JAG1: variants seen among roughly 807,000 people sequenced by gnomAD.
JAG1 encodes the protein protein jagged-1.
A neutral mutation model predicts 148.7 loss-of-function variants in JAG1; 23 were observed. That is an observed-to-expected ratio of 0.15 (90% confidence interval 0.11 to 0.22). The LOEUF (loss-of-function observed/expected upper bound fraction) is 0.22, where lower values mean the gene tolerates loss of function less well. JAG1 is among the 10% of genes least tolerant of loss of function. The pLI, the probability that JAG1 is intolerant of heterozygous loss-of-function variation, is 1.00. For missense variants in JAG1, 1,054 were observed against 1,611.2 expected, an observed-to-expected ratio of 0.65 and a Z score of 5.92; for synonymous variants, 572 against 598.3, an observed-to-expected ratio of 0.96 and a Z score of 0.64.
chr20:10,652,827 C>A, intron 5 of JAG1: 1 of 455,562 alleles, frequency 2.2e-6, no homozygotes, highest in South Asian at 2.1e-5. Context: ...TGGGAAGAGG[C>A]CAGCATGGGG....
Position 10,639,249 on chromosome 20 carries a change from C to A in JAG1, c.*249G>T. On this transcript the variant is annotated 3_prime_UTR_variant, in exon 26 of 26. Coordinates refer to ENST00000254958, the MANE Select transcript of JAG1 (RefSeq NM_000214.3). ...AGGCTCCTGGGAGCCTGATCCGAGA[C>A]CGTGTCGGCTGCAAGGGGACACACA... 3.7e-6 allele frequency: 2 copies of A among 537,050 alleles called. No individual in the cohort carries two copies. The highest frequency in any genetic ancestry group is 3.9e-5 in the South Asian group (2 of 51,786). 33.3% of individuals were successfully genotyped at this position (537,050 alleles called of 1,614,324 possible). A position where few individuals can be genotyped will look rare whatever the true frequency, so the allele number is the denominator to read the frequency against.
chr20:10,661,761 G>A (rs563749731), intron 3 of JAG1, among the ~76,000 whole-genome samples: 1 of 152,350 alleles, frequency 6.6e-6, no homozygotes, highest in East Asian at 1.9e-4. Flanking sequence ...GCAGATAAAG[G>A]TGGACCAGAC....
intron 22 of JAG1, 30 bp from the exon 23 acceptor site, chr20:10,641,723 C>T: frequency 6.2e-7 from 1 of 1,611,082 alleles, no homozygotes; most frequent in South Asian, 1.1e-5. Flanking sequence ...GGCAGCTTAG[C>T]AGGCATGCTC....
intron 2 of JAG1, among the ~76,000 whole-genome samples, chr20:10,666,872 G>A (rs1168192421): frequency 6.6e-6 from 1 of 152,188 alleles, no homozygotes; most frequent in East Asian, 1.9e-4. Context: ...AAGCCCCAAG[G>A]CATCCAAGGG....
Position 10,641,151 on chromosome 20 carries a change from G to C in JAG1, c.3010C>G (p.Pro1004Ala). The change falls in exon 24 of 26, where the codon CCT becomes GCT. Residue 1004 changes from proline (P) to alanine (A), a missense_variant. By Grantham distance (27) the Pro-to-Ala change is conservative (BLOSUM62 -1). Coordinates refer to ENST00000254958, the MANE Select transcript of JAG1 (RefSeq NM_000214.3). ...ATTTCATTGTTCGCTGAAGGGGAAG[G>C]CTCGCAAGCGATGTAGATTGAATAT... ...AEYSIYIACE[P>A]SPSANNEIHV... is the part of the protein sequence containing the mutation. 6.2e-7 allele frequency: 1 copy of C among 1,614,014 alleles called. No individual in the cohort carries two copies. The highest frequency in any genetic ancestry group is 1.3e-5 in the African/African-American group (1 of 75,044).
At position 10,645,497 on chromosome 20, in the gene JAG1, G is replaced by A. The variant is rs763951284; in HGVS notation, c.2000-28C>T. ...AGAATCAAAGGGGAGACAATCGGCT[G>A]AAGACGAGATCCAGGACCATTCACG... On this transcript the variant is annotated intron_variant, in intron 15 of 25. Coordinates refer to ENST00000254958, the MANE Select transcript of JAG1 (RefSeq NM_000214.3). This position sits in a 1 kb window ranked among gnomAD's most constrained non-coding sequence, Gnocchi z 6.1. 1.9e-6 allele frequency: 3 copies of A among 1,571,626 alleles called. No homozygotes were observed.
chr20:10,645,492 C>T lies in JAG1; in HGVS notation c.2000-23G>A, dbSNP rs537864478. On this transcript the variant is annotated intron_variant, in intron 15 of 25. Transcript: ENST00000254958. The surrounding 1 kb of genome is among the most constrained non-coding windows in gnomAD (Gnocchi z 6.1). ...TATCTAGAATCAAAGGGGAGACAATCGGCTGAAGACGAGATCCAGGACCAT... is the reference window on the plus strand; with the variant it reads ...TATCTAGAATCAAAGGGGAGACAATTGGCTGAAGACGAGATCCAGGACCAT... 9 of 1,581,170 alleles carry T rather than the reference C, an allele frequency of 5.7e-6. No homozygotes were observed. In the East Asian group the frequency reaches 1.1e-4, roughly 20 times the overall value.
chr20:10,652,586 G>A lies in JAG1; in HGVS notation c.768C>T (p.Gly256=). 2.5e-6 allele frequency: 4 copies of A among 1,613,910 alleles called. No individual in the cohort carries two copies. Among genetic ancestry groups the A allele is most frequent in the Non-Finnish European group, 3.4e-6 (4 of 1,179,890 alleles). Reference sequence around the variant, plus strand: ...ACTTATCACAGTACAGGCCTTGCCAGCCGTACTGGCACCTGGAGACACACA... The same window carrying A: ...ACTTATCACAGTACAGGCCTTGCCAACCGTACTGGCACCTGGAGACACACA... The part of the protein sequence containing the change: ...KLPGDCRCQY[G]WQGLYCDKCI... The change falls in exon 6 of 26, where the codon GGC becomes GGT. Residue 256 remains glycine (G), a synonymous_variant. Coordinates refer to ENST00000254958, the MANE Select transcript of JAG1 (RefSeq NM_000214.3).
chr20:10,646,847 AAC>A, intron 14 of JAG1, 90 bp downstream of exon 14: 11 of 1,293,328 alleles, frequency 8.5e-6, no homozygotes, highest in Non-Finnish European at 1.1e-5. Context: ...AAAAACTTTC[AAC>A]ACCAATGATC....
chr20:10,648,108 C>T lies in JAG1; in HGVS notation c.1572G>A (p.Leu524=), dbSNP rs772471145. The change falls in exon 13 of 26, where the codon CTG becomes CTA. Residue 524 remains leucine (L), a splice_region_variant and synonymous_variant. Coordinates refer to ENST00000254958, the MANE Select transcript of JAG1 (RefSeq NM_000214.3). ...PTGFSGNLCQ[L]DIDYCEPNPC... ...GATTAGGCTCACAATAATCGATGTCCAGCTGCAAATATCAGGAACAGCGAA... is the reference window on the plus strand; with the variant it reads ...GATTAGGCTCACAATAATCGATGTCTAGCTGCAAATATCAGGAACAGCGAA... 6.2e-7 allele frequency: 1 copy of T among 1,614,152 alleles called. No individual in the cohort carries two copies. Among genetic ancestry groups the T allele is most frequent in the South Asian group, 1.1e-5 (1 of 91,078 alleles).
intron 2 of JAG1, among the ~76,000 whole-genome samples, chr20:10,670,206 T>A (rs1400650887): frequency 6.6e-6 from 1 of 152,178 alleles, no homozygotes; most frequent in East Asian, 1.9e-4. Flanking sequence ...GTTGCTTGGA[T>A]AGGGGTCATA....
rs2067293573 is a variant in JAG1 at position 10,644,343 on chromosome 20, G to C, written c.2372+14C>G. The C allele has an allele frequency of 1.3e-6, 2 of 1,598,638 alleles. No homozygotes were observed. On this transcript the variant is annotated intron_variant, in intron 19 of 25. Transcript: ENST00000254958. ...TAGTGGATGAGTGCTGGCTTAAAAG[G>C]ATGTCACACTTACCAGGGATGAGGG...
At chr20:10,664,394 A>ACACACACACG (rs1208070273) in intron 2 of JAG1, among the ~76,000 whole-genome samples, 4 of 148,490 alleles carry the variant, frequency 2.7e-5, no homozygotes, top group African/African-American at 1.0e-4. Context: ...ACACACACAC[A>ACACACACACG]CACACACACA....
At position 10,648,742 on chromosome 20, in the gene JAG1, G is replaced by A. The variant is rs747732974; in HGVS notation, c.1396-20C>T. 4 of 1,611,778 alleles carry A rather than the reference G, an allele frequency of 2.5e-6. No homozygotes were observed. Among genetic ancestry groups the A allele is most frequent in the Non-Finnish European group, 3.4e-6 (4 of 1,177,872 alleles). On this transcript the variant is annotated intron_variant, in intron 11 of 25. Coordinates refer to ENST00000254958, the MANE Select transcript of JAG1 (RefSeq NM_000214.3). ...CAAATCCTAGAAGAGGAGAAGGGGA[G>A]AGAGAGACACATGCTTTTTTTCTAT...
intron 8 of JAG1, 112 bp from the exon 9 acceptor site, chr20:10,650,472 G>C (rs747148982): frequency 4.3e-5 from 31 of 716,130 alleles, no homozygotes; most frequent in Non-Finnish European, 6.3e-5. Context: ...CCAGACACCT[G>C]CTACAAGGAA....
chr20:10,659,559 C>CTTTTTTTT lies in JAG1; in HGVS notation c.440-845_440-838dup, dbSNP rs35826283. Among the ~76,000 whole-genome samples, 646 of 105,134 alleles carry CTTTTTTTT rather than the reference C, an allele frequency of 6.1e-3. 129 individuals carry two copies. Among genetic ancestry groups the CTTTTTTTT allele is most frequent in the African/African-American group, 0.021 (569 of 27,196 alleles). 69.0% of individuals were successfully genotyped at this position (105,134 alleles called of 152,430 possible). A position where few individuals can be genotyped will look rare whatever the true frequency, so the allele number is the denominator to read the frequency against. On this transcript the variant is annotated intron_variant, in intron 3 of 25. Transcript: ENST00000254958. Reference sequence around the variant, plus strand: ...GGAAGCCAAGGAGACGATTAAGTTACTTTTTTTTTTTTTTTTTTTTTTTTT... The same window carrying CTTTTTTTT: ...GGAAGCCAAGGAGACGATTAAGTTACTTTTTTTTTTTTTTTTTTTTTTTTTTTTTTTTT...
At chr20:10,641,750 C>T (rs1474043078) in intron 22 of JAG1, 33 bp downstream of exon 22, 1 of 1,608,686 alleles carries the variant, frequency 6.2e-7, no homozygotes, top group Non-Finnish European at 8.5e-7. Flanking sequence ...GATTCCAGAA[C>T]ACAGGTGAAC....
rs1252267300 is a variant in JAG1 at position 10,639,849 on chromosome 20, G to A, written c.3306C>T (p.His1102=). The A allele has an allele frequency of 6.2e-7, 1 of 1,614,170 alleles. No homozygotes were observed. Among genetic ancestry groups the A allele is most frequent in the Admixed American group, 1.7e-5 (1 of 60,032 alleles). Residue 1102 remains histidine (H), a synonymous_variant, in exon 26 of 26, where the codon CAC becomes CAT. Transcript: ENST00000254958. ...CLRKRRKPGS[H]THSASEDNTT... Reference sequence around the variant, plus strand: ...TGTTGTCCTCAGAGGCTGAGTGTGTGTGGCTGCCCGGCTTCCGCCGCTTCC... The same window carrying A: ...TGTTGTCCTCAGAGGCTGAGTGTGTATGGCTGCCCGGCTTCCGCCGCTTCC...
chr20:10,643,098 G>A (rs1349093009), intron 20 of JAG1, among the ~76,000 whole-genome samples: 1 of 152,242 alleles, frequency 6.6e-6, no homozygotes, highest in East Asian at 1.9e-4. Context: ...TGTTTATTTA[G>A]AAACATGAAA....
Sources: gnomAD v4.1 joint callset for allele counts (sites outside exome capture counted in the v4.1 genomes callset) on GRCh38, gnomAD v4.1.1 for gene constraint, Gnocchi (gnomAD v3.1) non-coding constraint, MANE v1.5 for transcripts, NCBI Gene and HGNC (gene_info 2026-07-23, HGNC 2026-07-21) for gene names.